VWA8: variants seen among roughly 807,000 people sequenced by gnomAD.
VWA8 encodes the protein von Willebrand factor A domain-containing protein 8.
Under a neutral mutation model 241.5 loss-of-function variants are expected in VWA8, and 221 were observed. That is an observed-to-expected ratio of 0.91 (90% confidence interval 0.82 to 1.02). The LOEUF is 1.02. VWA8 is among the 50% of genes least tolerant of loss of function. The pLI is 0.00. For synonymous variants in VWA8, 852 were observed against 827.1 expected (o/e 1.03, Z -0.52); for missense variants, 2,322 against 2,328.7 (o/e 1.00, Z 0.06).
chr13:41,856,064 A>AG (rs1159012550), intron 12 of VWA8, among the ~76,000 whole-genome samples: 2 of 152,210 alleles, frequency 1.3e-5, no homozygotes, highest in Non-Finnish European at 2.9e-5. Flanking sequence ...GGCCAGGCAT[A>AG]GTGGCTCAAG....
chr13:41,702,402 G>T (rs1265509343), intron 27 of VWA8, among the ~76,000 whole-genome samples: 2 of 152,184 alleles, frequency 1.3e-5, no homozygotes, highest in African/African-American at 2.4e-5. Flanking sequence ...ACTTGAATGA[G>T]ATTTGGAAGG....
At position 41,732,137 on chromosome 13, in the gene VWA8, A is replaced by T. The variant is rs1319253194; in HGVS notation, c.2445T>A (p.Thr815=). 1 of 1,613,146 alleles carries T rather than the reference A, an allele frequency of 6.2e-7. No individual in the cohort carries two copies. The highest frequency in any genetic ancestry group is 8.5e-7 in the Non-Finnish European group (1 of 1,179,496). ...IQLHRDTTVQ[T]LTLQPSVKDG... is the part of the protein sequence containing the mutation. ...CTTTAACCGAAGGCTGAAGCGTAAGAGTTTGTACTGTGGTATCCCTAAAGT... is the reference window on the plus strand; with the variant it reads ...CTTTAACCGAAGGCTGAAGCGTAAGTGTTTGTACTGTGGTATCCCTAAAGT... The change falls in exon 22 of 45, where the codon ACT becomes ACA. Residue 815 remains threonine (T), a synonymous_variant. Transcript: ENST00000379310.
chr13:41,570,813 C>A (rs1446129475), intron 43 of VWA8, 107 bp from the exon 44 acceptor site: 1 of 875,608 alleles, frequency 1.1e-6, no homozygotes, highest in Admixed American at 2.4e-5. Flanking sequence ...CCAATTATTA[C>A]CCATGAGTAG....
chr13:41,898,773 G>C (rs1471367233), intron 4 of VWA8, among the ~76,000 whole-genome samples: 8 of 147,384 alleles, frequency 5.4e-5, no homozygotes, highest in Non-Finnish European at 1.2e-4. Flanking sequence ...GCGCCGGTGG[G>C]CTGGCACTGC....
chr13:41,767,711 T>C (rs1055793773), intron 20 of VWA8, among the ~76,000 whole-genome samples: 2 of 152,216 alleles, frequency 1.3e-5, no homozygotes, highest in Non-Finnish European at 2.9e-5. Context: ...AACACAACCC[T>C]TATAAACCTC....
At chr13:41,576,783 G>T (rs2044353402) in intron 42 of VWA8, among the ~76,000 whole-genome samples, 1 of 152,240 alleles carries the variant, frequency 6.6e-6, no homozygotes, top group Non-Finnish European at 1.5e-5. Context: ...GAAAGCCAGG[G>T]CCAAATTTCA....
intron 26 of VWA8, among the ~76,000 whole-genome samples, chr13:41,714,766 T>C (rs2045338082): frequency 6.6e-6 from 1 of 152,004 alleles, no homozygotes; most frequent in South Asian, 2.1e-4. Flanking sequence ...TCGTGGTTAC[T>C]CTTCACTTTG....
chr13:41,667,246 T>C (rs2044992689), intron 37 of VWA8, among the ~76,000 whole-genome samples: 2 of 152,224 alleles, frequency 1.3e-5, no homozygotes, highest in Non-Finnish European at 1.5e-5. Flanking sequence ...CCAAGCTTAC[T>C]TACCTAAGTA....
chr13:41,871,319 T>C (rs976542119), intron 9 of VWA8, among the ~76,000 whole-genome samples: 5 of 152,192 alleles, frequency 3.3e-5, no homozygotes, highest in African/African-American at 4.8e-5. Context: ...AAATTTATTA[T>C]TATACTTTAA....
rs751039053 is a variant in VWA8, at chr13:41,887,346, C to CT, written c.666dup (p.Glu223ArgfsTer11). ...CGGACAATTTTCCAAGAATCCAACT[C>CT]TTTTTTGGTATGATCCTATAAAAGT... On this transcript the variant is annotated frameshift_variant, in exon 6 of 45. Coordinates refer to ENST00000379310, the MANE Select transcript of VWA8 (RefSeq NM_015058.2). LOFTEE classifies it high-confidence loss of function. 3 of 1,612,206 alleles carry CT rather than the reference C, an allele frequency of 1.9e-6. No homozygotes were observed. Among genetic ancestry groups the CT allele is most frequent in the Non-Finnish European group, 2.5e-6 (3 of 1,179,448 alleles).
At chr13:41,860,655 T>G (rs138901112) in intron 12 of VWA8, among the ~76,000 whole-genome samples, 1 of 152,194 alleles carries the variant, frequency 6.6e-6, no homozygotes, top group Non-Finnish European at 1.5e-5. Context: ...TCTAGAAATA[T>G]AGGAGAAAAT....
At chr13:41,846,732 T>A (rs1461355500) in intron 12 of VWA8, among the ~76,000 whole-genome samples, 1 of 152,140 alleles carries the variant, frequency 6.6e-6, no homozygotes, top group Non-Finnish European at 1.5e-5. Flanking sequence ...CAGAGGTCAT[T>A]TAAAAATAAT....
At chr13:41,747,145 G>A (rs1003566437) in intron 21 of VWA8, among the ~76,000 whole-genome samples, 1 of 152,180 alleles carries the variant, frequency 6.6e-6, no homozygotes, top group Admixed American at 6.5e-5. Context: ...AAAGTCATTG[G>A]TAGCTTGATG....
chr13:41,806,021 A>AGACT (rs1870189184), intron 17 of VWA8, among the ~76,000 whole-genome samples: 1 of 151,546 alleles, frequency 6.6e-6, no homozygotes, highest in Admixed American at 6.6e-5. Context: ...AAAAAAAGAA[A>AGACT]TGATGTCAAG....
At chr13:41,693,123 C>T in intron 29 of VWA8, 151 bp from the exon 30 acceptor site, 2 of 512,846 alleles carry the variant, frequency 3.9e-6, no homozygotes. Context: ...ATCACAAAGA[C>T]ATTAAGTGAT....
At chr13:41,712,648 T>G (rs2045325619) in intron 26 of VWA8, among the ~76,000 whole-genome samples, 1 of 152,232 alleles carries the variant, frequency 6.6e-6, no homozygotes, top group African/African-American at 2.4e-5. Context: ...AACAGTTGAC[T>G]AAACATAAAG....
intron 38 of VWA8, among the ~76,000 whole-genome samples, chr13:41,612,429 T>C (rs2044595090): frequency 6.6e-6 from 1 of 152,234 alleles, no homozygotes; most frequent in Non-Finnish European, 1.5e-5. Context: ...ATATTACATA[T>C]ACATATTACG....
chr13:41,618,041 A>G (rs1005806119), intron 37 of VWA8, among the ~76,000 whole-genome samples: 10 of 152,192 alleles, frequency 6.6e-5, no homozygotes, highest in Non-Finnish European at 1.5e-4. Flanking sequence ...TAGATCCTTG[A>G]GGAACTGCCA....
chr13:41,626,486 C>A (rs1447998106), intron 37 of VWA8, among the ~76,000 whole-genome samples: 1 of 152,006 alleles, frequency 6.6e-6, no homozygotes, highest in East Asian at 1.9e-4. Flanking sequence ...AAAGAACAAA[C>A]CCATAGGCAT....
Sources: allele counts gnomAD v4.1 joint callset (sites outside exome capture counted in the v4.1 genomes callset), GRCh38; gene constraint gnomAD v4.1.1; transcripts MANE v1.5; gene names NCBI Gene and HGNC (gene_info 2026-07-23, HGNC 2026-07-21).